PTPRT: variants seen among roughly 807,000 people sequenced by gnomAD.
PTPRT encodes protein tyrosine phosphatase receptor type T, also known as receptor-type tyrosine-protein phosphatase T.
A neutral mutation model predicts 176.8 loss-of-function variants in PTPRT; 56 were observed. The observed-to-expected ratio is 0.32, with a 90% CI of 0.26 to 0.40. The LOEUF is 0.40. Among genes scored for constraint, PTPRT ranks in the 10% least tolerant of loss-of-function variants. The pLI is 1.00. For missense variants in PTPRT, 1,540 were observed against 1,908.2 expected, an observed-to-expected ratio of 0.81 and a Z score of 3.60; for synonymous variants, 783 against 739.0, an observed-to-expected ratio of 1.06 and a Z score of -0.96.
At chr20:42,548,605 C>T (rs2072715276) in intron 7 of PTPRT, among the ~76,000 whole-genome samples, 1 of 152,188 alleles carries the variant, frequency 6.6e-6, no homozygotes, top group Middle Eastern at 3.4e-3. Flanking sequence ...GAAAGACACA[C>T]ATCATAAATC....
At chr20:43,003,598 A>C (rs1187007154) in intron 1 of PTPRT, among the ~76,000 whole-genome samples, 4 of 152,176 alleles carry the variant, frequency 2.6e-5, no homozygotes, top group Non-Finnish European at 5.9e-5. Flanking sequence ...TTTTACTTAT[A>C]CTTTGTGATT....
chr20:42,423,164 C>G (rs1229989652), intron 9 of PTPRT, among the ~76,000 whole-genome samples: 2 of 130,776 alleles, frequency 1.5e-5, no homozygotes, highest in Non-Finnish European at 3.2e-5. Flanking sequence ...CACTTGTACC[C>G]CTGACCTTAA....
chr20:42,634,023 A>ATATATATATAATATATATATAT (rs2074514400), intron 7 of PTPRT, among the ~76,000 whole-genome samples: 1 of 27,868 alleles, frequency 3.6e-5, no homozygotes, highest in Admixed American at 7.2e-4. Flanking sequence ...TATATATATA[A>ATATATATATAATATATATATAT]TATATATATT....
At chr20:42,708,516 C>T (rs1344792237) in intron 6 of PTPRT, among the ~76,000 whole-genome samples, 1 of 152,168 alleles carries the variant, frequency 6.6e-6, no homozygotes, top group African/African-American at 2.4e-5. Context: ...CATTCTCCTC[C>T]CTGCCCAAGA....
intron 7 of PTPRT, among the ~76,000 whole-genome samples, chr20:42,649,437 C>A (rs6130184): frequency 6.6e-6 from 1 of 152,130 alleles, no homozygotes; most frequent in Non-Finnish European, 1.5e-5. Flanking sequence ...TATCACATGC[C>A]TTGATGGCCA....
intron 2 of PTPRT, among the ~76,000 whole-genome samples, chr20:42,881,183 T>G (rs987740125): frequency 6.6e-6 from 1 of 152,190 alleles, no homozygotes; most frequent in South Asian, 2.1e-4. Context: ...TTCACACTCA[T>G]GCAGACATCC....
chr20:42,685,641 T>C (rs910146694), intron 6 of PTPRT: 1 of 152,178 alleles, frequency 6.6e-6, no homozygotes, highest in Non-Finnish European at 1.5e-5. Flanking sequence ...TGAACTAAAT[T>C]CAACAAACAA....
At chr20:42,842,311 G>A (rs989536760) in intron 2 of PTPRT, among the ~76,000 whole-genome samples, 3 of 152,218 alleles carry the variant, frequency 2.0e-5, no homozygotes, top group African/African-American at 7.2e-5. Context: ...AGCAGCCAGT[G>A]CTACAAGGGA....
chr20:42,760,315 T>C (rs2076896609), intron 5 of PTPRT, among the ~76,000 whole-genome samples: 1 of 151,940 alleles, frequency 6.6e-6, no homozygotes, highest in African/African-American at 2.4e-5. Context: ...AAATTATACG[T>C]TGGGTTTCCT....
intron 7 of PTPRT, among the ~76,000 whole-genome samples, chr20:42,497,266 C>T (rs2071671784): frequency 6.6e-6 from 1 of 152,138 alleles, no homozygotes; most frequent in African/African-American, 2.4e-5. Context: ...CTGGTGCTCA[C>T]TTCTCTTTCT....
downstream of PTPRT, among the ~76,000 whole-genome samples, chr20:42,070,071 A>G (rs962605192): frequency 6.6e-6 from 1 of 152,156 alleles, no homozygotes; most frequent in Non-Finnish European, 1.5e-5. Context: ...GAAATTAACT[A>G]GAGTGGTTTC....
At chr20:42,983,972 G>A (rs962103910) in intron 1 of PTPRT, among the ~76,000 whole-genome samples, 1 of 152,178 alleles carries the variant, frequency 6.6e-6, no homozygotes, top group African/African-American at 2.4e-5. Flanking sequence ...CCCCAGCCTG[G>A]AGCTGACTGG....
At chr20:42,363,991 G>T (rs571674107) in intron 9 of PTPRT, among the ~76,000 whole-genome samples, 2 of 152,140 alleles carry the variant, frequency 1.3e-5, no homozygotes, top group Non-Finnish European at 2.9e-5. Flanking sequence ...AGGAGTATTT[G>T]GACAGGCAGA....
chr20:42,441,967 A>G (rs1423627470), intron 9 of PTPRT, among the ~76,000 whole-genome samples: 1 of 152,170 alleles, frequency 6.6e-6, no homozygotes, highest in Non-Finnish European at 1.5e-5. Context: ...CCTCCTGCCT[A>G]GACTACCTCC....
At chr20:42,547,138 G>A (rs7271986) in intron 7 of PTPRT, among the ~76,000 whole-genome samples, 56,257 of 151,618 alleles carry the variant, frequency 0.37, 10,442 homozygotes, top group Admixed American at 0.42. Flanking sequence ...GCCTGTGTAC[G>A]CTTTTGTGTG....
intron 1 of PTPRT, among the ~76,000 whole-genome samples, chr20:42,953,291 A>C (rs562939441): frequency 3.2e-4 from 49 of 152,284 alleles, no homozygotes; most frequent in African/African-American, 1.2e-3. Flanking sequence ...GTGCATAGTG[A>C]GGCAGGCCTG....
chr20:43,046,798 G>A (rs371607787), intron 1 of PTPRT, among the ~76,000 whole-genome samples: 45 of 152,230 alleles, frequency 3.0e-4, no homozygotes, highest in African/African-American at 9.9e-4. Flanking sequence ...GCAATCCCTC[G>A]AGAGATACAA....
intron 7 of PTPRT, among the ~76,000 whole-genome samples, chr20:42,673,263 A>G (rs551816355): frequency 6.6e-6 from 1 of 152,328 alleles, no homozygotes; most frequent in South Asian, 2.1e-4. Context: ...AGACCAAGCT[A>G]TGGAATGAAC....
At chr20:42,887,882 C>T (rs1473326791) in intron 1 of PTPRT, among the ~76,000 whole-genome samples, 1 of 152,074 alleles carries the variant, frequency 6.6e-6, no homozygotes, top group Non-Finnish European at 1.5e-5. Flanking sequence ...GAGATGCTTC[C>T]AAAGGACTGT....
Sources: allele counts gnomAD v4.1 joint callset (sites outside exome capture counted in the v4.1 genomes callset), GRCh38; gene constraint gnomAD v4.1.1; transcripts MANE v1.5; gene names NCBI Gene and HGNC (gene_info 2026-07-23, HGNC 2026-07-21).